Variants in RARB observed in about 807,000 individuals in gnomAD.
RARB encodes the protein HBV-activated protein.
In RARB, 17 loss-of-function variants were observed where a neutral mutation model predicts 51.9. The ratio of observed to expected loss-of-function variants is 0.33; its 90% confidence interval spans 0.22 to 0.49. RARB has a LOEUF of 0.49. Ranked by LOEUF, RARB falls within the 20% of genes least tolerant of loss-of-function variation. RARB has a pLI of 0.99. For synonymous variants in RARB, 215 were observed against 195.4 expected (o/e 1.10, Z -0.84); for missense variants, 369 against 550.8 (o/e 0.67, Z 3.30).
At chr3:25,171,574 G>A (rs2125351747) in intron 4 of RARB, among the ~76,000 whole-genome samples, 1 of 114,612 alleles carries the variant, frequency 8.7e-6, no homozygotes, top group Non-Finnish European at 1.6e-5. Flanking sequence ...TGCAGCGTTT[G>A]AAAGCAAAGA....
chr3:25,007,605 C>CAAAAAAA (rs1279154112), intron 2 of RARB, among the ~76,000 whole-genome samples: 2 of 60,640 alleles, frequency 3.3e-5, no homozygotes, highest in Admixed American at 2.0e-4. Flanking sequence ...AAAAAAAAAA[C>CAAAAAAA]AAAAAAACCT....
chr3:25,410,550 T>A (rs1707534239), intron 5 of RARB, among the ~76,000 whole-genome samples: 1 of 152,244 alleles, frequency 6.6e-6, no homozygotes, highest in East Asian at 1.9e-4. Flanking sequence ...CATATACATT[T>A]CAGACTTGTT....
chr3:24,846,926 A>G (rs1575033797), intron 1 of RARB, among the ~76,000 whole-genome samples: 1 of 152,246 alleles, frequency 6.6e-6, no homozygotes, highest in East Asian at 1.9e-4. Flanking sequence ...CAATGAGAAG[A>G]TTAAGCAGTT....
At chr3:25,447,666 C>A (rs1034406390) in intron 1 of RARB, among the ~76,000 whole-genome samples, 1 of 152,148 alleles carries the variant, frequency 6.6e-6, no homozygotes, top group Non-Finnish European at 1.5e-5. Context: ...GAAGCCATTT[C>A]TGAGGGGGCT....
intron 4 of RARB, among the ~76,000 whole-genome samples, chr3:25,145,484 T>G (rs1186209307): frequency 1.5e-5 from 2 of 136,150 alleles, no homozygotes; most frequent in African/African-American, 5.5e-5. Flanking sequence ...TTACTCATAT[T>G]GAAAATTGTA....
chr3:24,919,602 G>A (rs1385816817), intron 2 of RARB, among the ~76,000 whole-genome samples: 1 of 152,130 alleles, frequency 6.6e-6, no homozygotes, highest in Non-Finnish European at 1.5e-5. Flanking sequence ...CCTACTCTGG[G>A]TCTGGAGGCT....
chr3:25,543,321 G>C (rs1189484103), intron 3 of RARB, among the ~76,000 whole-genome samples: 2 of 152,038 alleles, frequency 1.3e-5, no homozygotes, highest in African/African-American at 4.8e-5. Context: ...TAATTAACTA[G>C]GAGTTGCCAG....
intron 5 of RARB, among the ~76,000 whole-genome samples, chr3:25,365,522 T>C (rs954632681): frequency 5.9e-5 from 9 of 152,146 alleles, no homozygotes; most frequent in African/African-American, 2.2e-4. Flanking sequence ...CAACCATTTA[T>C]TCTGCTCACA....
intron 2 of RARB, among the ~76,000 whole-genome samples, chr3:24,937,732 G>A (rs777574502): frequency 3.3e-5 from 5 of 152,150 alleles, no homozygotes; most frequent in Non-Finnish European, 5.9e-5. Context: ...TGCAGCAGAG[G>A]ACACACGCTG....
At chr3:25,404,435 G>C (rs1707350704) in intron 5 of RARB, among the ~76,000 whole-genome samples, 1 of 152,190 alleles carries the variant, frequency 6.6e-6, no homozygotes, top group African/African-American at 2.4e-5. Flanking sequence ...AGTTACTTCT[G>C]ACTAGGCCAA....
At chr3:25,450,512 TGTA>T (rs1709145502) in intron 1 of RARB, among the ~76,000 whole-genome samples, 1 of 152,126 alleles carries the variant, frequency 6.6e-6, no homozygotes, top group African/African-American at 2.4e-5. Flanking sequence ...TCTCCAGAGC[TGTA>T]GTATTTTCTT....
intron 5 of RARB, among the ~76,000 whole-genome samples, chr3:25,194,845 C>T (rs913167939): frequency 5.3e-5 from 8 of 151,896 alleles, no homozygotes; most frequent in South Asian, 2.1e-4. Context: ...CTATGATGGC[C>T]GCTCTGGTCT....
chr3:25,311,824 C>CA (rs1478053324), intron 5 of RARB, among the ~76,000 whole-genome samples: 1 of 152,090 alleles, frequency 6.6e-6, no homozygotes, highest in Non-Finnish European at 1.5e-5. Flanking sequence ...CACAAACTCT[C>CA]AAAAAACACA....
At chr3:25,027,855 C>G (rs921517548) in intron 2 of RARB, among the ~76,000 whole-genome samples, 1 of 152,138 alleles carries the variant, frequency 6.6e-6, no homozygotes, top group African/African-American at 2.4e-5. Flanking sequence ...TGTGATTTGA[C>G]TACATCATGG....
intron 5 of RARB, among the ~76,000 whole-genome samples, chr3:25,410,033 C>G (rs1038514135): frequency 6.6e-6 from 1 of 152,102 alleles, no homozygotes; most frequent in Non-Finnish European, 1.5e-5. Flanking sequence ...CTGCTTATAC[C>G]AGCCCAGTTC....
chr3:25,131,992 A>G (rs539047750), intron 3 of RARB, among the ~76,000 whole-genome samples: 1 of 152,072 alleles, frequency 6.6e-6, no homozygotes, highest in East Asian at 1.9e-4. Context: ...CCAAGAAAAT[A>G]AAAAGCAGGA....
chr3:25,293,592 C>A (rs537625517), intron 5 of RARB, among the ~76,000 whole-genome samples: 113 of 30,078 alleles, frequency 3.8e-3, no homozygotes, highest in African/African-American at 7.1e-3. Flanking sequence ...TAGAGTTACT[C>A]CATTTAAAAA....
At chr3:25,577,264 C>G (rs1700976298) in intron 4 of RARB, among the ~76,000 whole-genome samples, 1 of 152,182 alleles carries the variant, frequency 6.6e-6, no homozygotes, top group Non-Finnish European at 1.5e-5. Flanking sequence ...CCTCATCAGC[C>G]AAATGGGGAC....
chr3:24,895,056 G>A (rs1197308520), intron 2 of RARB, among the ~76,000 whole-genome samples: 1 of 152,146 alleles, frequency 6.6e-6, no homozygotes, highest in African/African-American at 2.4e-5. Context: ...ATTGATATAA[G>A]ACTTAATCTG....
Sources: gnomAD v4.1 joint callset for allele counts (sites outside exome capture counted in the v4.1 genomes callset) on GRCh38, gnomAD v4.1.1 for gene constraint, MANE v1.5 for transcripts, NCBI Gene and HGNC (gene_info 2026-07-23, HGNC 2026-07-21) for gene names.